The following LINGO1 variants were observed in gnomAD, a reference collection of about 807,000 sequenced individuals.
LINGO1 encodes the protein leucine-rich repeat and immunoglobulin-like domain-containing nogo receptor-interacting protein 1.
LINGO1 carries 11 observed loss-of-function variants against 37.3 expected under a neutral mutation model. That is an observed-to-expected ratio of 0.29 (90% CI 0.19 to 0.49). The LOEUF (loss-of-function observed/expected upper bound fraction) is 0.49. Ranked by LOEUF, LINGO1 falls within the 20% of genes least tolerant of loss-of-function variation. LINGO1 has a pLI of 0.99. For missense variants in LINGO1, 585 were observed against 878.2 expected, an observed-to-expected ratio of 0.67 and a Z score of 4.22; for synonymous variants, 387 against 403.0, an observed-to-expected ratio of 0.96 and a Z score of 0.48.
At chr15:77,656,040 A>G (rs552242068) in intron 3 of LINGO1, among the ~76,000 whole-genome samples, 4 of 152,170 alleles carry the variant, frequency 2.6e-5, no homozygotes, top group Admixed American at 1.3e-4. Context: ...TGCGTCCTCT[A>G]CCCTCTGCTG....
chr15:77,698,552 C>A (rs1282592468), upstream of LINGO1, among the ~76,000 whole-genome samples: 1 of 152,134 alleles, frequency 6.6e-6, no homozygotes, highest in East Asian at 1.9e-4. Context: ...AAAGGGAATG[C>A]CTGACAGTGG....
intron 1 of LINGO1, among the ~76,000 whole-genome samples, chr15:77,807,843 C>T (rs939644024): frequency 4.6e-5 from 7 of 151,934 alleles, no homozygotes; most frequent in African/African-American, 1.2e-4. Context: ...TTCCAGCGTT[C>T]GTTTGTATCA....
intron 3 of LINGO1, among the ~76,000 whole-genome samples, chr15:77,658,063 C>T (rs963067866): frequency 6.6e-6 from 1 of 152,174 alleles, no homozygotes; most frequent in Non-Finnish European, 1.5e-5. Context: ...ATGCCCCCAA[C>T]CTGGGGTCTG....
chr15:77,743,956 A>C (rs1459761389), intron 1 of LINGO1, among the ~76,000 whole-genome samples: 1 of 152,214 alleles, frequency 6.6e-6, no homozygotes, highest in African/African-American at 2.4e-5. Flanking sequence ...CCAAGCCACA[A>C]GTATTTCTTG....
chr15:77,695,599 G>A (rs2075678353), intron 1 of LINGO1, among the ~76,000 whole-genome samples: 1 of 152,230 alleles, frequency 6.6e-6, no homozygotes, highest in Non-Finnish European at 1.5e-5. Context: ...AAGGCCCCAG[G>A]TCAGGCCCTG....
chr15:77,680,700 A>C (rs1337158293), intron 2 of LINGO1, among the ~76,000 whole-genome samples: 3 of 152,172 alleles, frequency 2.0e-5, no homozygotes, highest in African/African-American at 7.2e-5. Context: ...ACTTTAGAGC[A>C]AAGGCTGGGG....
At chr15:77,801,791 A>AC (rs2076921079) in intron 1 of LINGO1, among the ~76,000 whole-genome samples, 1 of 152,054 alleles carries the variant, frequency 6.6e-6, no homozygotes, top group Non-Finnish European at 1.5e-5. Flanking sequence ...AGACTGTGGA[A>AC]CCCATGCCTA....
intron 1 of LINGO1, among the ~76,000 whole-genome samples, chr15:77,738,758 A>AAGGAG (rs1567555846): frequency 2.9e-5 from 2 of 69,500 alleles, no homozygotes; most frequent in Non-Finnish European, 5.9e-5. Context: ...GAAGGAAGGA[A>AAGGAG]GGAAGGAAGG....
chr15:77,692,903 A>T (rs1488667671), intron 1 of LINGO1, among the ~76,000 whole-genome samples: 1 of 152,356 alleles, frequency 6.6e-6, no homozygotes, highest in Non-Finnish European at 1.5e-5. Flanking sequence ...AAAAGGTGAA[A>T]GACTTCACCA....
chr15:77,696,674 G>A (rs1169103231), upstream of LINGO1, among the ~76,000 whole-genome samples: 1 of 152,216 alleles, frequency 6.6e-6, no homozygotes, highest in Non-Finnish European at 1.5e-5. Context: ...ATCTCTGGGT[G>A]TCTCACACCC....
intron 1 of LINGO1, among the ~76,000 whole-genome samples, chr15:77,802,439 G>A (rs1297085690): frequency 6.6e-6 from 1 of 152,084 alleles, no homozygotes; most frequent in Admixed American, 6.5e-5. Flanking sequence ...GTGTTTGTGT[G>A]TATGTTAGGA....
intron 2 of LINGO1, among the ~76,000 whole-genome samples, chr15:77,730,552 C>T (rs550843074): frequency 6.6e-6 from 1 of 152,364 alleles, no homozygotes; most frequent in African/African-American, 2.4e-5. Flanking sequence ...CTGCCCCTGC[C>T]TCTCTGTCCC....
At chr15:77,805,953 C>T (rs1263289972) in intron 1 of LINGO1, among the ~76,000 whole-genome samples, 4 of 152,202 alleles carry the variant, frequency 2.6e-5, no homozygotes, top group African/African-American at 9.7e-5. Flanking sequence ...GGATACCTGA[C>T]CCCACCCGGG....
intron 1 of LINGO1, among the ~76,000 whole-genome samples, chr15:77,759,185 A>C (rs2076450141): frequency 6.6e-6 from 1 of 152,226 alleles, no homozygotes; most frequent in Non-Finnish European, 1.5e-5. Context: ...ATGCACACGC[A>C]CATGCATACC....
At chr15:77,649,852 A>G (rs28731180) in intron 3 of LINGO1, among the ~76,000 whole-genome samples, 13,558 of 152,082 alleles carry the variant, frequency 0.089, 1,988 homozygotes, top group African/African-American at 0.3. Context: ...AGATGATGAA[A>G]GGGTGGAGAT....
chr15:77,702,314 G>A (rs115098908), intron 2 of LINGO1, among the ~76,000 whole-genome samples: 1,921 of 152,202 alleles, frequency 0.013, 42 homozygotes, highest in African/African-American at 0.044. Flanking sequence ...TGCATCAGGC[G>A]GGTGGAAAGG....
At chr15:77,660,227 A>G (rs1419942017) in intron 3 of LINGO1, 1 of 152,288 alleles carries the variant, frequency 6.6e-6, no homozygotes, top group Non-Finnish European at 1.5e-5. Flanking sequence ...TCCAGCCTGG[A>G]GTAGAGTCAA....
intron 1 of LINGO1, among the ~76,000 whole-genome samples, chr15:77,811,286 C>T (rs568538390): frequency 6.6e-5 from 10 of 152,344 alleles, no homozygotes; most frequent in East Asian, 5.8e-4. Flanking sequence ...ATTTTCCTGA[C>T]GCTGCAGTTC....
intron 1 of LINGO1, among the ~76,000 whole-genome samples, chr15:77,616,687 CCTCTGGGTCCCATCGGTGACCCAG>C (rs2073735875): frequency 1.3e-5 from 2 of 152,298 alleles, no homozygotes; most frequent in African/African-American, 4.8e-5. Flanking sequence ...CTCTCCACTT[CCTCTGGGTCCCATCGGTGACCCAG>C]CTCAGGCTCC....
Sources: gnomAD v4.1 joint callset for allele counts (sites outside exome capture counted in the v4.1 genomes callset) on GRCh38, gnomAD v4.1.1 for gene constraint, MANE v1.5 for transcripts, NCBI Gene and HGNC (gene_info 2026-07-23, HGNC 2026-07-21) for gene names.